PAX7: variants seen among roughly 807,000 people sequenced by gnomAD.
PAX7 encodes paired box protein Pax-7.
Under a neutral mutation model 50.7 loss-of-function variants are expected in PAX7, and 18 were observed. The observed-to-expected ratio is 0.36, with a 90% confidence interval of 0.25 to 0.53. PAX7 has a LOEUF of 0.53. Ranked by LOEUF, PAX7 falls within the 20% of genes least tolerant of loss-of-function variation. The probability of loss-of-function intolerance (pLI) is 0.93; values close to 1 mark genes in which losing one functional copy is unlikely to be tolerated. For synonymous variants in PAX7, 310 were observed against 290.4 expected (o/e 1.07, Z -0.69); for missense variants, 644 against 702.9 (o/e 0.92, Z 0.95).
chr1:18,634,481 C>A lies in PAX7; in HGVS notation c.264C>A (p.Cys88Ter). 2 of 1,614,160 alleles carry A rather than the reference C, an allele frequency of 1.2e-6. No homozygotes were observed. Among genetic ancestry groups the A allele is most frequent in the South Asian group, 2.2e-5 (2 of 91,084 alleles). ...ACGGCTGCGTCTCCAAGATTCTTTG[C>A]CGCTACCAGGAGACCGGGTCCATCC... is the stretch of plus-strand genomic sequence containing the variant. The part of the protein sequence containing the change: ...VSHGCVSKIL[C>*]RYQETGSIRP... Residue 88 changes from cysteine to a stop codon, truncating the protein, a stop_gained, in exon 2 of 9, where the codon TGC becomes TGA. Transcript: ENST00000420770. LOFTEE classifies it high-confidence loss of function. The surrounding 1 kb of genome is among the most constrained non-coding windows in gnomAD (Gnocchi z 4.0).
At chr1:18,686,751 C>G (rs551981495) in intron 4 of PAX7, among the ~76,000 whole-genome samples, 2 of 152,156 alleles carry the variant, frequency 1.3e-5, no homozygotes, top group Non-Finnish European at 2.9e-5. Flanking sequence ...TCTTCTCACA[C>G]TGCTTTGACC....
intron 4 of PAX7, among the ~76,000 whole-genome samples, chr1:18,687,330 G>A (rs1334685243): frequency 6.6e-6 from 1 of 152,088 alleles, no homozygotes; most frequent in Admixed American, 6.6e-5. Context: ...ACACAGCTAG[G>A]GAAAGACAGA....
At position 18,636,423 on chromosome 1, in the gene PAX7, C is replaced by T. The variant is rs761578339; in HGVS notation, c.586+52C>T. Reference sequence around the variant, plus strand: ...CCCCAGCCCGGGTTTTCCCACGCTCCGGTGTGCGGGCCAGTGGTTCGCTCC... The same window carrying T: ...CCCCAGCCCGGGTTTTCCCACGCTCTGGTGTGCGGGCCAGTGGTTCGCTCC... On this transcript the variant is annotated intron_variant, in intron 4 of 8. Transcript: ENST00000420770. This position sits in a 1 kb window ranked among gnomAD's most constrained non-coding sequence, Gnocchi z 5.1. 1.9e-6 allele frequency: 3 copies of T among 1,597,552 alleles called. No homozygotes were observed. Among genetic ancestry groups the T allele is most frequent in the Non-Finnish European group, 1.7e-6 (2 of 1,169,906 alleles).
chr1:18,673,056 T>A (rs931067181), intron 4 of PAX7, among the ~76,000 whole-genome samples: 2 of 152,060 alleles, frequency 1.3e-5, no homozygotes, highest in Non-Finnish European at 2.9e-5. Context: ...CTGCCCTCCC[T>A]TAGTGAAAGG....
chr1:18,688,510 C>T (rs1208038948), intron 4 of PAX7, among the ~76,000 whole-genome samples: 1 of 152,222 alleles, frequency 6.6e-6, no homozygotes, highest in Non-Finnish European at 1.5e-5. Flanking sequence ...GTAGCTAGTA[C>T]TGCCACATTG....
At chr1:18,655,849 A>C (rs1046033636) in intron 4 of PAX7, among the ~76,000 whole-genome samples, 14 of 151,392 alleles carry the variant, frequency 9.2e-5, no homozygotes, top group Admixed American at 4.6e-4. Context: ...AGGCCCTGGG[A>C]GACCCATCTC....
In PAX7 at chr1:18,735,970, G is replaced by C; in HGVS notation, c.1402+92G>C. 2 of 1,613,802 alleles carry C rather than the reference G, an allele frequency of 1.2e-6. No individual in the cohort carries two copies. Among genetic ancestry groups the C allele is most frequent in the Non-Finnish European group, 1.7e-6 (2 of 1,179,960 alleles). Reference sequence around the variant, plus strand: ...TGTTTATGGAGAGCTACAAGGTGGTGTCAGGGTGGGGAATGTCCATTTCAC... The same window carrying C: ...TGTTTATGGAGAGCTACAAGGTGGTCTCAGGGTGGGGAATGTCCATTTCAC... On this transcript the variant is annotated intron_variant, in intron 8 of 8. Coordinates refer to ENST00000420770, the MANE Select transcript of PAX7 (RefSeq NM_001135254.2). This position sits in a 1 kb window ranked among gnomAD's most constrained non-coding sequence, Gnocchi z 4.0.
chr1:18,635,529 A>AGAAG lies in PAX7; in HGVS notation c.451+305_451+308dup, dbSNP rs1362473401. 1.8e-4 allele frequency among the ~76,000 whole-genome samples: 9 copies of AGAAG among 49,144 alleles called. No homozygotes were observed. In the South Asian group the frequency reaches 2.9e-3, roughly 16 times the overall value. 32.2% of individuals were successfully genotyped at this position (49,144 alleles called of 152,430 possible). On this transcript the variant is annotated intron_variant, in intron 3 of 8. Coordinates refer to ENST00000420770, the MANE Select transcript of PAX7 (RefSeq NM_001135254.2). ...AGGAAGGTAGGAAGGAAGGAAGGAA[A>AGAAG]GAAGGAAGGAAGGAAGGAAAGCAGG...
At chr1:18,743,395 G>C (rs935361122) in intron 8 of PAX7, among the ~76,000 whole-genome samples, 2 of 152,198 alleles carry the variant, frequency 1.3e-5, no homozygotes, top group African/African-American at 4.8e-5. Context: ...TCCTCAGGCC[G>C]TGCGTATCAC....
intron 7 of PAX7, among the ~76,000 whole-genome samples, chr1:18,717,195 C>T (rs2089436792): frequency 6.6e-6 from 1 of 152,202 alleles, no homozygotes; most frequent in Non-Finnish European, 1.5e-5. Flanking sequence ...GCTTAATTCC[C>T]GCTGCCCGGG....
In PAX7 at chr1:18,632,369, A is replaced by G. The variant is rs958148959; in HGVS notation, c.85+681A>G. On this transcript the variant is annotated intron_variant, in intron 1 of 8. Coordinates refer to ENST00000420770, the MANE Select transcript of PAX7 (RefSeq NM_001135254.2). This position sits in a 1 kb window ranked among gnomAD's most constrained non-coding sequence, Gnocchi z 6.3. ...CTCTAAACGGCGAGAGGGGCACGGC[A>G]ATGTCCAAACGAGAAGAAAGAGCTG... Among the ~76,000 whole-genome samples, 1 of 152,106 alleles carries G rather than the reference A, an allele frequency of 6.6e-6. No homozygotes were observed. Among genetic ancestry groups the G allele is most frequent in the African/African-American group, 2.4e-5 (1 of 41,444 alleles).
intron 2 of PAX7, 68 bp from the exon 3 acceptor site, chr1:18,635,043 A>T: frequency 6.4e-7 from 1 of 1,574,566 alleles, no homozygotes; most frequent in Non-Finnish European, 8.7e-7. Context: ...TTAAGAGGTG[A>T]TATTAAAAGT....
At chr1:18,734,204 G>A (rs1485134747) in intron 7 of PAX7, among the ~76,000 whole-genome samples, 1 of 152,124 alleles carries the variant, frequency 6.6e-6, no homozygotes, top group Admixed American at 6.6e-5. Flanking sequence ...CCCTGTAAGG[G>A]GAGTCAGGGA....
At chr1:18,739,696 G>T (rs1206165525) in intron 8 of PAX7, among the ~76,000 whole-genome samples, 3 of 152,128 alleles carry the variant, frequency 2.0e-5, no homozygotes, top group South Asian at 4.1e-4. Flanking sequence ...AAACTCTTAG[G>T]CCCCAGAGTA....
chr1:18,741,873 G>A (rs9439736), intron 8 of PAX7, among the ~76,000 whole-genome samples: 3,353 of 152,288 alleles, frequency 0.022, 127 homozygotes, highest in African/African-American at 0.076. Flanking sequence ...GAGCCTGCAG[G>A]GGTGGCTGGG....
intron 7 of PAX7, among the ~76,000 whole-genome samples, chr1:18,724,188 G>C (rs1470987881): frequency 6.6e-6 from 1 of 152,206 alleles, no homozygotes; most frequent in Non-Finnish European, 1.5e-5. Context: ...TGGTCCGGGA[G>C]AGGGCTGGCT....
intron 4 of PAX7, among the ~76,000 whole-genome samples, chr1:18,661,089 G>A (rs948219962): frequency 2.6e-5 from 4 of 152,138 alleles, no homozygotes; most frequent in African/African-American, 7.2e-5. Flanking sequence ...CAGTTGACAC[G>A]TGGTTGTTAG....
At chr1:18,733,953 G>A (rs2089679219) in intron 7 of PAX7, among the ~76,000 whole-genome samples, 1 of 152,126 alleles carries the variant, frequency 6.6e-6, no homozygotes, top group African/African-American at 2.4e-5. Flanking sequence ...ATCTCTGTGG[G>A]CTTTTGGGTT....
At chr1:18,692,159 G>A (rs987435548) in intron 5 of PAX7, among the ~76,000 whole-genome samples, 2 of 152,146 alleles carry the variant, frequency 1.3e-5, no homozygotes, top group African/African-American at 2.4e-5. Context: ...ACAGCCCAAG[G>A]AGGAGGGAAG....
Sources: allele counts gnomAD v4.1 joint callset (sites outside exome capture counted in the v4.1 genomes callset), GRCh38; gene constraint gnomAD v4.1.1; non-coding constraint Gnocchi (gnomAD v3.1); transcripts MANE v1.5; gene names NCBI Gene and HGNC (gene_info 2026-07-23, HGNC 2026-07-21).